Variants in GABRA2 observed in about 807,000 individuals in gnomAD.
The protein encoded by GABRA2 is gamma-aminobutyric acid type A receptor subunit alpha2.
GABRA2 carries 16 observed loss-of-function variants against 48.7 expected under a neutral mutation model. The ratio of observed to expected loss-of-function variants is 0.33; its 90% confidence interval spans 0.22 to 0.50. The LOEUF (loss-of-function observed/expected upper bound fraction) is 0.50, where lower values mean the gene tolerates loss of function less well. Ranked by LOEUF, GABRA2 falls within the 20% of genes least tolerant of loss-of-function variation. GABRA2 has a pLI of 0.98. For synonymous variants in GABRA2, 185 were observed against 184.5 expected (o/e 1.00, Z -0.02); for missense variants, 275 against 535.6 (o/e 0.51, Z 4.80).
intron 3 of GABRA2, among the ~76,000 whole-genome samples, chr4:46,376,239 C>T (rs370124560): frequency 1.3e-5 from 2 of 152,132 alleles, no homozygotes; most frequent in African/African-American, 4.8e-5. Flanking sequence ...AGTTTACTGG[C>T]CAATCTGTTC....
Position 46,347,950 on chromosome 4 carries a change from T to C in GABRA2, c.188-15268A>G, listed in dbSNP as rs190423421. On this transcript the variant is annotated intron_variant, in intron 3 of 9. Coordinates refer to ENST00000381620, the MANE Select transcript of GABRA2 (RefSeq NM_000807.4). The stretch of plus-strand genomic sequence containing the variant: ...GGTTCTAATTAAATTAAAGAGCTTC[T>C]GCATAGTAAAAGAAACTACCATCAG... Among the ~76,000 whole-genome samples, 22 of 152,158 alleles carry C rather than the reference T, an allele frequency of 1.4e-4. No homozygotes were observed. The East Asian group carries it at 3.7e-3, about 25-fold the overall frequency.
intron 4 of GABRA2, 26 bp from the exon 5 acceptor site, chr4:46,312,742 GA>G: frequency 1.6e-6 from 2 of 1,226,972 alleles, no homozygotes; most frequent in Non-Finnish European, 2.3e-6. Flanking sequence ...GAATTTTTTT[GA>G]AAATAGTAAA....
intron 1 of GABRA2, 142 bp downstream of exon 1, chr4:46,389,593 T>TG: frequency 2.2e-6 from 1 of 454,950 alleles, no homozygotes; most frequent in Non-Finnish European, 2.9e-6. Flanking sequence ...TTAAGTGCGC[T>TG]GGGGAGGAGG....
intron 3 of GABRA2, among the ~76,000 whole-genome samples, chr4:46,339,032 A>G (rs1732750538): frequency 6.6e-6 from 1 of 151,856 alleles, no homozygotes; most frequent in African/African-American, 2.4e-5. Flanking sequence ...TCCCAACACA[A>G]TGGAATATAG....
In GABRA2 at chr4:46,244,083, C is replaced by G. The variant is rs946225355; in HGVS notation, c.*6225G>C. The G allele has an allele frequency of 1.3e-5, 2 of 151,112 alleles. No individual in the cohort carries two copies. Among genetic ancestry groups the G allele is most frequent in the Non-Finnish European group, 1.5e-5 (1 of 67,486 alleles). The allele number at this position is 151,112 out of a possible 1,614,324, so 9.4% of individuals were successfully genotyped here. Reference sequence around the variant, plus strand: ...TTAAAATCAAGTGTAGTGCAGGCACCCAAGATTAACAAGCAATAAGGACTT... The same window carrying G: ...TTAAAATCAAGTGTAGTGCAGGCACGCAAGATTAACAAGCAATAAGGACTT... On this transcript the variant is annotated 3_prime_UTR_variant, in exon 10 of 10. Transcript: ENST00000381620.
intron 4 of GABRA2, among the ~76,000 whole-genome samples, chr4:46,330,054 C>T (rs181661831): frequency 1.3e-5 from 2 of 152,174 alleles, no homozygotes; most frequent in African/African-American, 2.4e-5. Flanking sequence ...TACTCACTCA[C>T]ACGCATGTAT....
intron 7 of GABRA2, 94 bp from the exon 8 acceptor site, chr4:46,303,706 T>C: frequency 9.2e-7 from 1 of 1,092,610 alleles, no homozygotes; most frequent in Non-Finnish European, 1.3e-6. Flanking sequence ...AAAACTGATT[T>C]TTTAAAAAAT....
At position 46,386,144 on chromosome 4, in the gene GABRA2, A is replaced by G; in HGVS notation, c.117T>C (p.Ile39=). The G allele has an allele frequency of 6.2e-7, 1 of 1,611,514 alleles. No individual in the cohort carries two copies. The highest frequency in any genetic ancestry group is 8.5e-7 in the Non-Finnish European group (1 of 1,179,106). ...NIQEDEAKNN[I]TIFTRILDRL... The stretch of plus-strand genomic sequence containing the variant: ...TGTCAAGAATTCTCGTAAAGATGGT[A>G]ATGTTATTTTTAGCCTCATCTTCTT... The change falls in exon 3 of 10, where the codon ATT becomes ATC. Residue 39 remains isoleucine, a synonymous_variant. Coordinates refer to ENST00000381620, the MANE Select transcript of GABRA2 (RefSeq NM_000807.4).
At chr4:46,369,211 T>C (rs1157456430) in intron 3 of GABRA2, among the ~76,000 whole-genome samples, 1 of 152,086 alleles carries the variant, frequency 6.6e-6, no homozygotes, top group Non-Finnish European at 1.5e-5. Flanking sequence ...TGGCTAAATC[T>C]AGAGGGCACA....
chr4:46,367,357 T>G (rs556024621), intron 3 of GABRA2: 1 of 152,258 alleles, frequency 6.6e-6, no homozygotes, highest in East Asian at 1.9e-4. Context: ...AAATGGTGAA[T>G]TCTACATACT....
chr4:46,389,709 A>T, intron 1 of GABRA2, 26 bp downstream of exon 1: 1 of 982,666 alleles, frequency 1.0e-6, no homozygotes, highest in Non-Finnish European at 1.2e-6. Flanking sequence ...AAGTGTCTCT[A>T]TCGGGACCAA....
At position 46,250,546 on chromosome 4, in the gene GABRA2, T is replaced by C. The variant is rs1175283561; in HGVS notation, c.1118A>G (p.Asn373Ser). Residue 373 changes from asparagine to serine, a missense_variant, in exon 10 of 10, where the codon AAT (asparagine) becomes AGT (serine). Physicochemically the swap from Asn to Ser is conservative, Grantham distance 46 (BLOSUM62 1). Transcript: ENST00000381620. ...QNNAYAVAVANYAPNLSKDPV... is the reference protein window; with the variant it reads ...QNNAYAVAVASYAPNLSKDPV... ...ATCTTTTGAAAGATTCGGGGCATAA[T>C]TGGCAACAGCCACTGCATAAGCGTT... is the stretch of plus-strand genomic sequence containing the variant. 2.5e-6 allele frequency: 4 copies of C among 1,611,688 alleles called. No individual in the cohort carries two copies. Among genetic ancestry groups the C allele is most frequent in the South Asian group, 1.1e-5 (1 of 91,024 alleles).
chr4:46,309,100 A>G (rs2109667396), intron 6 of GABRA2, among the ~76,000 whole-genome samples: 1 of 152,316 alleles, frequency 6.6e-6, no homozygotes, highest in African/African-American at 2.4e-5. Flanking sequence ...TTCCATGACA[A>G]TAAAAGAAGC....
intron 3 of GABRA2, among the ~76,000 whole-genome samples, chr4:46,333,103 A>G (rs73133216): frequency 0.017 from 2,521 of 152,208 alleles, 75 homozygotes; most frequent in African/African-American, 0.058. Context: ...TAGAGACTCA[A>G]TTTACAGATT....
In GABRA2 at chr4:46,250,725, A is replaced by C. The variant is rs1714581444; in HGVS notation, c.1060-121T>G. ...TACAAATCATCATGCATTAGCAAAA[A>C]ACAGAAATTAGGAAAATAAATAAAG... On this transcript the variant is annotated intron_variant, in intron 9 of 9. Coordinates refer to ENST00000381620, the MANE Select transcript of GABRA2 (RefSeq NM_000807.4). 7 of 680,326 alleles carry C rather than the reference A, an allele frequency of 1.0e-5. No homozygotes were observed. The South Asian group carries it at 1.6e-4, about 15-fold the overall frequency. 42.1% of individuals were successfully genotyped at this position (680,326 alleles called of 1,614,324 possible).
chr4:46,256,657 A>G (rs1715901390), intron 9 of GABRA2, among the ~76,000 whole-genome samples: 1 of 151,526 alleles, frequency 6.6e-6, no homozygotes, highest in Non-Finnish European at 1.5e-5. Context: ...TGGCCCAAAG[A>G]TGAATGTATT....
chr4:46,269,571 T>C (rs1445071495), intron 8 of GABRA2, among the ~76,000 whole-genome samples: 1 of 151,852 alleles, frequency 6.6e-6, no homozygotes. Context: ...TACACCCAGC[T>C]GGATTTATAT....
intron 3 of GABRA2, among the ~76,000 whole-genome samples, chr4:46,339,536 C>T (rs186218554): frequency 9.9e-5 from 15 of 151,934 alleles, no homozygotes; most frequent in African/African-American, 3.6e-4. Context: ...ATAGCCTCTG[C>T]TATCATAATG....
intron 4 of GABRA2, among the ~76,000 whole-genome samples, chr4:46,327,919 A>T (rs1470271443): frequency 6.6e-6 from 1 of 152,020 alleles, no homozygotes; most frequent in Non-Finnish European, 1.5e-5. Context: ...ATTTGGGCTG[A>T]GGTTCTCAGT....
Sources: gnomAD v4.1 joint callset for allele counts (sites outside exome capture counted in the v4.1 genomes callset) on GRCh38, gnomAD v4.1.1 for gene constraint, MANE v1.5 for transcripts, NCBI Gene and HGNC (gene_info 2026-07-23, HGNC 2026-07-21) for gene names.